The following GRM8 variants were observed in gnomAD, a reference collection of about 807,000 sequenced individuals.
GRM8 encodes glutamate metabotropic receptor 8.
A neutral mutation model predicts 87.2 loss-of-function variants in GRM8; 47 were observed. The observed-to-expected ratio is 0.54, with a 90% CI of 0.43 to 0.69. The LOEUF (loss-of-function observed/expected upper bound fraction) is 0.69, where lower values mean the gene tolerates loss of function less well. GRM8 is among the 30% of genes least tolerant of loss of function. GRM8 has a pLI of 0.00. For synonymous variants in GRM8, 396 were observed against 404.5 expected, an observed-to-expected ratio of 0.98 and a Z score of 0.25; for missense variants, 1,019 against 1,139.2, an observed-to-expected ratio of 0.89 and a Z score of 1.52.
At chr7:126,661,697 CAG>C (rs753465340) in intron 7 of GRM8, among the ~76,000 whole-genome samples, 13 of 152,152 alleles carry the variant, frequency 8.5e-5, no homozygotes, top group Non-Finnish European at 1.9e-4. Flanking sequence ...GTGCCTCACT[CAG>C]GGGGTTCGTC....
At chr7:126,987,410 C>T (rs1265513249) in intron 3 of GRM8, among the ~76,000 whole-genome samples, 3 of 151,792 alleles carry the variant, frequency 2.0e-5, no homozygotes, top group South Asian at 2.1e-4. Flanking sequence ...TTAAGTGTTA[C>T]GTTCTTTAAG....
intron 3 of GRM8, among the ~76,000 whole-genome samples, chr7:127,050,799 AT>A (rs1442934796): frequency 1.3e-5 from 2 of 152,222 alleles, no homozygotes; most frequent in African/African-American, 4.8e-5. Context: ...TGGTAGACCT[AT>A]TGATTACACC....
chr7:126,967,831 A>G (rs1810031451), intron 3 of GRM8, among the ~76,000 whole-genome samples: 2 of 152,196 alleles, frequency 1.3e-5, no homozygotes, highest in Admixed American at 1.3e-4. Context: ...CCTCGCTTCA[A>G]ACAGAACAGT....
intron 3 of GRM8, among the ~76,000 whole-genome samples, chr7:127,026,961 G>A (rs1481146521): frequency 6.6e-6 from 1 of 152,090 alleles, no homozygotes; most frequent in Admixed American, 6.6e-5. Context: ...GGTTTTTATG[G>A]TTTTAGGTCT....
intron 6 of GRM8, among the ~76,000 whole-genome samples, chr7:126,877,460 A>G (rs1426087422): frequency 6.6e-6 from 1 of 152,250 alleles, no homozygotes; most frequent in Non-Finnish European, 1.5e-5. Flanking sequence ...AGTGTTCAAC[A>G]GCCACTAGTG....
intron 9 of GRM8, among the ~76,000 whole-genome samples, chr7:126,446,890 C>T (rs1375624388): frequency 6.6e-6 from 1 of 151,944 alleles, no homozygotes; most frequent in Admixed American, 6.6e-5. Flanking sequence ...ATTCCAACTA[C>T]CAAAAATCAC....
intron 7 of GRM8, among the ~76,000 whole-genome samples, chr7:126,704,970 C>T (rs1166123808): frequency 6.6e-6 from 1 of 152,102 alleles, no homozygotes; most frequent in African/African-American, 2.4e-5. Context: ...TTTGTACGCT[C>T]CCTCCCCTTT....
intron 9 of GRM8, among the ~76,000 whole-genome samples, chr7:126,460,944 G>GA (rs1221855985): frequency 6.6e-6 from 1 of 151,508 alleles, no homozygotes; most frequent in Non-Finnish European, 1.5e-5. Flanking sequence ...TAGTCACTCA[G>GA]AAGCCCTAGG....
chr7:126,582,766 A>G (rs2151016912), intron 8 of GRM8, among the ~76,000 whole-genome samples: 1 of 152,314 alleles, frequency 6.6e-6, no homozygotes, highest in Admixed American at 6.5e-5. Flanking sequence ...CCTGTGTTGC[A>G]TAAATGGAAG....
chr7:127,062,694 C>A (rs771680203), intron 3 of GRM8, among the ~76,000 whole-genome samples: 1 of 152,048 alleles, frequency 6.6e-6, no homozygotes, highest in Non-Finnish European at 1.5e-5. Context: ...TTAGAGCTGG[C>A]TTTTGGTCTG....
intron 2 of GRM8, among the ~76,000 whole-genome samples, chr7:127,109,535 C>T (rs1388007312): frequency 6.6e-6 from 1 of 152,138 alleles, no homozygotes; most frequent in East Asian, 1.9e-4. Context: ...TCTAATGATC[C>T]TCTATACAAA....
At chr7:126,615,522 C>A (rs1799387460) in intron 7 of GRM8, among the ~76,000 whole-genome samples, 1 of 152,146 alleles carries the variant, frequency 6.6e-6, no homozygotes, top group South Asian at 2.1e-4. Context: ...TCACATATAA[C>A]AATATTAACC....
intron 9 of GRM8, among the ~76,000 whole-genome samples, chr7:126,504,565 A>G (rs1810150569): frequency 6.6e-6 from 1 of 151,980 alleles, no homozygotes; most frequent in Admixed American, 6.6e-5. Context: ...CTATTACCTG[A>G]GTGGTGAAAT....
intron 9 of GRM8, among the ~76,000 whole-genome samples, chr7:126,531,614 C>T (rs532541564): frequency 2.0e-5 from 3 of 152,200 alleles, no homozygotes; most frequent in Non-Finnish European, 2.9e-5. Flanking sequence ...CTCTACAACT[C>T]TGCAATGTTA....
intron 3 of GRM8, among the ~76,000 whole-genome samples, chr7:127,024,767 A>C (rs532902092): frequency 1.3e-5 from 2 of 152,002 alleles, no homozygotes; most frequent in African/African-American, 2.4e-5. Context: ...TGCAGAGCTC[A>C]CTCATGTTTT....
At position 126,461,035 on chromosome 7, in the gene GRM8, T is replaced by C. The variant is rs146245312; in HGVS notation, c.2431-14663A>G. Among the ~76,000 whole-genome samples, 16 of 151,658 alleles carry C rather than the reference T, an allele frequency of 1.1e-4. No homozygotes were observed. In the East Asian group the frequency reaches 2.9e-3, roughly 28 times the overall value. ...TGATGAGCATAGTGCCTTATGCTACTAGTTTCATTAACTTCATTGATGTCC... is the reference window on the plus strand; with the variant it reads ...TGATGAGCATAGTGCCTTATGCTACCAGTTTCATTAACTTCATTGATGTCC... On this transcript the variant is annotated intron_variant, in intron 9 of 10. Transcript: ENST00000339582.
At chr7:126,674,964 AG>A (rs1806788693) in intron 7 of GRM8, among the ~76,000 whole-genome samples, 1 of 152,214 alleles carries the variant, frequency 6.6e-6, no homozygotes, top group Non-Finnish European at 1.5e-5. Context: ...AGGAGAAGAA[AG>A]GAACTTCCAG....
intron 8 of GRM8, among the ~76,000 whole-genome samples, chr7:126,561,474 A>C (rs1445510613): frequency 6.6e-6 from 1 of 152,070 alleles, no homozygotes; most frequent in African/African-American, 2.4e-5. Flanking sequence ...GTTTCAAAAA[A>C]AAAAGGTAGT....
intron 2 of GRM8, among the ~76,000 whole-genome samples, chr7:127,114,408 G>C: frequency 6.6e-6 from 1 of 152,148 alleles, no homozygotes; most frequent in South Asian, 2.1e-4. Context: ...ACCAAGCAAA[G>C]CTTTACATAC....
Sources: gnomAD v4.1 joint callset for allele counts (sites outside exome capture counted in the v4.1 genomes callset) on GRCh38, gnomAD v4.1.1 for gene constraint, MANE v1.5 for transcripts, NCBI Gene and HGNC (gene_info 2026-07-23, HGNC 2026-07-21) for gene names.